The following C16orf74 variants were observed in gnomAD, a reference collection of about 807,000 sequenced individuals.
C16orf74 encodes the protein calcimembrin, also known as uncharacterized protein C16orf74.
Under a neutral mutation model 6.5 loss-of-function variants are expected in C16orf74, and 10 were observed. That is an observed-to-expected ratio of 1.54 (90% CI 0.95 to 2.61). The LOEUF is 2.61. Among genes scored for constraint, C16orf74 ranks in the 30% most tolerant of loss-of-function variants. The pLI is 0.00. For synonymous variants in C16orf74, 60 were observed against 42.5 expected (o/e 1.41, Z -1.60); for missense variants, 141 against 105.9 (o/e 1.33, Z -1.45).
At chr16:85,735,111 C>T (rs1862733) in intron 2 of C16orf74, 79 bp downstream of exon 2, 298,116 of 1,314,334 alleles carry the variant, frequency 0.23, 36,053 homozygotes, top group Middle Eastern at 0.26. Flanking sequence ...CAGAGGGCTT[C>T]AACTCCCCTC....
chr16:85,735,491 A>C (rs1008075963), intron 1 of C16orf74, among the ~76,000 whole-genome samples: 1 of 152,188 alleles, frequency 6.6e-6, no homozygotes, highest in Non-Finnish European at 1.5e-5. Context: ...CGGCGTCTGC[A>C]GCCCTGGCTC....
intron 2 of C16orf74, among the ~76,000 whole-genome samples, chr16:85,725,298 C>A (rs1376735955): frequency 6.6e-6 from 1 of 151,890 alleles, no homozygotes; most frequent in Non-Finnish European, 1.5e-5. Context: ...TGGAATTGAG[C>A]CTGCACACCT....
At chr16:85,712,984 G>A (rs1001577815) in intron 2 of C16orf74, among the ~76,000 whole-genome samples, 3 of 152,176 alleles carry the variant, frequency 2.0e-5, no homozygotes, top group African/African-American at 4.8e-5. Context: ...GCCTCCAGAG[G>A]AGCCCCAGTG....
At chr16:85,726,276 T>A (rs749558527) in intron 2 of C16orf74, among the ~76,000 whole-genome samples, 3 of 152,248 alleles carry the variant, frequency 2.0e-5, no homozygotes, top group Non-Finnish European at 4.4e-5. Flanking sequence ...TGCTGCTCAC[T>A]GCTGCATCCC....
chr16:85,740,199 G>A (rs1293433135), intron 1 of C16orf74, among the ~76,000 whole-genome samples: 3 of 115,002 alleles, frequency 2.6e-5, no homozygotes, highest in African/African-American at 6.9e-5. Flanking sequence ...CGACAAGAAC[G>A]AGACTTTGTC....
chr16:85,717,604 C>T (rs1386884133), intron 2 of C16orf74, among the ~76,000 whole-genome samples: 1 of 152,142 alleles, frequency 6.6e-6, no homozygotes, highest in Non-Finnish European at 1.5e-5. Flanking sequence ...CTGGGGGTGC[C>T]GTGCCGCCTC....
At chr16:85,720,479 G>C (rs982979309) in intron 2 of C16orf74, among the ~76,000 whole-genome samples, 1 of 152,160 alleles carries the variant, frequency 6.6e-6, no homozygotes, top group Non-Finnish European at 1.5e-5. Flanking sequence ...CCAAAGGCCA[G>C]GTCCAGGGTC....
At chr16:85,738,220 G>C (rs1295319156) in intron 1 of C16orf74, among the ~76,000 whole-genome samples, 1 of 151,984 alleles carries the variant, frequency 6.6e-6, no homozygotes, top group East Asian at 1.9e-4. Context: ...ACGCCAGCCT[G>C]GGTGACAGCA....
chr16:85,717,348 G>T (rs1038225723), intron 2 of C16orf74, among the ~76,000 whole-genome samples: 3 of 152,340 alleles, frequency 2.0e-5, no homozygotes, highest in Admixed American at 6.5e-5. Context: ...CTGATTCAAG[G>T]CTCTGTGAGA....
intron 1 of C16orf74, among the ~76,000 whole-genome samples, chr16:85,736,191 T>C (rs1353445914): frequency 6.6e-6 from 1 of 152,060 alleles, no homozygotes; most frequent in Non-Finnish European, 1.5e-5. Flanking sequence ...ACCTGGGGTT[T>C]CTGGGGCTGG....
At position 85,710,547 on chromosome 16, in the gene C16orf74, G is replaced by C. The variant is rs2053959482; in HGVS notation, c.29-240C>G. The C allele has an allele frequency of 8.3e-6, 4 of 481,618 alleles. No homozygotes were observed. The East Asian group carries it at 1.2e-4, about 14-fold the overall frequency. The allele number at this position is 481,618 out of a possible 1,614,324, so 29.8% of individuals were successfully genotyped here. ...CGGGAAACAGATTTTGGGAAATGCT[G>C]ATCATAGGCTAGTTGGCCTCTGGGT... On this transcript the variant is annotated intron_variant, in intron 2 of 3. Transcript: ENST00000284245.
chr16:85,740,325 A>G (rs419006), intron 1 of C16orf74, among the ~76,000 whole-genome samples: 1 of 148,130 alleles, frequency 6.8e-6, no homozygotes, highest in East Asian at 2.0e-4. Flanking sequence ...GAGGCTGAGG[A>G]GGGCAGATCA....
intron 1 of C16orf74, chr16:85,744,182 G>C (rs1490720552): frequency 8.3e-6 from 1 of 120,110 alleles, no homozygotes; most frequent in Admixed American, 1.1e-4. Context: ...CCGAGATTGC[G>C]CCATTGCACT....
intron 2 of C16orf74, among the ~76,000 whole-genome samples, chr16:85,713,730 T>G (rs1171491429): frequency 6.6e-6 from 1 of 150,644 alleles, no homozygotes; most frequent in Non-Finnish European, 1.5e-5. Context: ...TATGAATTTT[T>G]GGAAGACACG....
chr16:85,743,508 GC>G (rs1258599536), intron 1 of C16orf74: 1 of 152,210 alleles, frequency 6.6e-6, no homozygotes, highest in East Asian at 1.9e-4. Context: ...GCTCTGGGCT[GC>G]CAGACACTAA....
At chr16:85,723,808 T>G (rs2152061002) in intron 2 of C16orf74, among the ~76,000 whole-genome samples, 1 of 152,222 alleles carries the variant, frequency 6.6e-6, no homozygotes, top group South Asian at 2.1e-4. Flanking sequence ...CCATCCCTGG[T>G]GTGTGCTGTT....
intron 3 of C16orf74, 34 bp from the exon 4 acceptor site, chr16:85,708,100 C>A: frequency 6.6e-7 from 1 of 1,526,346 alleles, no homozygotes. Context: ...CCTGGATGCA[C>A]CCTGCCCCCA....
intron 3 of C16orf74, among the ~76,000 whole-genome samples, chr16:85,709,482 G>A (rs184671295): frequency 7.0e-6 from 1 of 143,584 alleles, no homozygotes; most frequent in African/African-American, 2.6e-5. Flanking sequence ...TACCTATCAT[G>A]ACCATCCCCA....
intron 2 of C16orf74, among the ~76,000 whole-genome samples, chr16:85,724,590 G>A (rs1285682213): frequency 1.3e-5 from 2 of 151,656 alleles, no homozygotes; most frequent in African/African-American, 2.4e-5. Flanking sequence ...CCTGCCTGGT[G>A]AGGTGTGAGC....
Sources: gnomAD v4.1 joint callset for allele counts (sites outside exome capture counted in the v4.1 genomes callset) on GRCh38, gnomAD v4.1.1 for gene constraint, MANE v1.5 for transcripts, NCBI Gene and HGNC (gene_info 2026-07-23, HGNC 2026-07-21) for gene names.